Variants in KCNAB2 observed in about 807,000 individuals in gnomAD.
The protein encoded by KCNAB2 is potassium voltage-gated channel subfamily A regulatory beta subunit 2.
KCNAB2 carries 29 observed loss-of-function variants against 63.6 expected under a neutral mutation model. The observed-to-expected ratio is 0.46, with a 90% CI of 0.34 to 0.62. KCNAB2 has a LOEUF of 0.62. Ranked by LOEUF, KCNAB2 falls within the 20% of genes least tolerant of loss-of-function variation. The pLI is 0.01. For missense variants in KCNAB2, 359 were observed against 563.9 expected (o/e 0.64, Z 3.68); for synonymous variants, 222 against 224.2 (o/e 0.99, Z 0.09).
intron 2 of KCNAB2, among the ~76,000 whole-genome samples, chr1:6,058,103 G>C (rs993070979): frequency 6.6e-6 from 1 of 152,122 alleles, no homozygotes; most frequent in Non-Finnish European, 1.5e-5. Flanking sequence ...AGCCGAGATC[G>C]AACCACTGGC....
rs1387965257 is a variant in KCNAB2 at position 6,087,300 on chromosome 1, G to T, written c.426-167G>T. On this transcript the variant is annotated intron_variant, in intron 6 of 15. Transcript: ENST00000378083. The surrounding 1 kb of genome is among the most constrained non-coding windows in gnomAD (Gnocchi z 6.4). ...ATGAGGAGCCCACGCACCCCGGCTG[G>T]GCACGTGGTACACATCATATGATGG... Among the ~76,000 whole-genome samples, 2 of 152,180 alleles carry T rather than the reference G, an allele frequency of 1.3e-5. No homozygotes were observed. The highest frequency in any genetic ancestry group is 4.8e-5 in the African/African-American group (2 of 41,430).
intron 1 of KCNAB2, among the ~76,000 whole-genome samples, chr1:5,993,686 G>T (rs532831900): frequency 3.3e-5 from 5 of 152,318 alleles, no homozygotes; most frequent in African/African-American, 1.2e-4. Flanking sequence ...TTTGCCCGCA[G>T]CATCCCGGGG....
intron 1 of KCNAB2, among the ~76,000 whole-genome samples, chr1:6,051,178 G>A (rs752922278): frequency 6.6e-6 from 1 of 152,250 alleles, no homozygotes; most frequent in Admixed American, 6.5e-5. Context: ...CTCAGGCTCT[G>A]CATGCTCTCT....
At chr1:6,079,271 G>A (rs534052948) in intron 4 of KCNAB2, among the ~76,000 whole-genome samples, 68 of 151,948 alleles carry the variant, frequency 4.5e-4, no homozygotes, top group African/African-American at 1.1e-3. Flanking sequence ...TTTGTCGGCC[G>A]CACTTTGGGA....
upstream of KCNAB2, among the ~76,000 whole-genome samples, chr1:6,032,226 A>ACCGTCC (rs1257324386): frequency 6.6e-6 from 1 of 152,164 alleles, no homozygotes; most frequent in Non-Finnish European, 1.5e-5. Context: ...TCATAGGGGA[A>ACCGTCC]CCGAATATTC....
chr1:6,032,216 T>G (rs953052681), upstream of KCNAB2, among the ~76,000 whole-genome samples: 3 of 151,700 alleles, frequency 2.0e-5, no homozygotes, highest in Non-Finnish European at 4.4e-5. Context: ...CACTGAGGGG[T>G]CATAGGGGAA....
chr1:6,014,483 G>A (rs949790948), intron 1 of KCNAB2, among the ~76,000 whole-genome samples: 7 of 152,254 alleles, frequency 4.6e-5, no homozygotes, highest in Non-Finnish European at 8.8e-5. Flanking sequence ...AGAACACACA[G>A]TCTGTATGAG....
Position 6,085,654 on chromosome 1 carries a change from T to A in KCNAB2, c.425+406T>A, listed in dbSNP as rs1010076862. Reference sequence around the variant, plus strand: ...ACTTCTTTGGCTGGAGCACTTAGGGTCAGGGGAGCCAGGGGGCCAGAGAAG... The same window carrying A: ...ACTTCTTTGGCTGGAGCACTTAGGGACAGGGGAGCCAGGGGGCCAGAGAAG... On this transcript the variant is annotated intron_variant, in intron 6 of 15. Transcript: ENST00000378083. The A allele has an allele frequency of 4.6e-5, 10 of 216,600 alleles. No individual in the cohort carries two copies. In the Admixed American group the frequency reaches 4.9e-4, roughly 11 times the overall value. The allele number at this position is 216,600 out of a possible 1,614,324, so 13.4% of individuals were successfully genotyped here.
rs913331625 is a variant in KCNAB2, at chr1:6,028,693, G to T, written c.-52-11824G>T. ...AGTCTTACAGGATATGGTTACAGAG[G>T]TGAATCTGGGGGAGAGTCCATCGTT... is the stretch of plus-strand genomic sequence containing the variant. On this transcript the variant is annotated intron_variant, in intron 1 of 16. Coordinates refer to the KCNAB2 transcript ENST00000341524. The surrounding 1 kb of genome is among the most constrained non-coding windows in gnomAD (Gnocchi z 4.0). Among the ~76,000 whole-genome samples the T allele has an allele frequency of 2.6e-5, 4 of 152,212 alleles. No individual in the cohort carries two copies. The highest frequency in any genetic ancestry group is 9.7e-5 in the African/African-American group (4 of 41,444).
chr1:6,093,536 C>A (rs946785577), intron 10 of KCNAB2, among the ~76,000 whole-genome samples: 1 of 152,254 alleles, frequency 6.6e-6, no homozygotes, highest in African/African-American at 2.4e-5. Flanking sequence ...CTTTAAAAGG[C>A]CAGCGTGAAG....
intron 7 of KCNAB2, among the ~76,000 whole-genome samples, chr1:6,088,331 A>C (rs946745826): frequency 2.0e-5 from 3 of 151,730 alleles, no homozygotes; most frequent in Admixed American, 1.3e-4. Flanking sequence ...TCCTGGGTTC[A>C]AGTGACCTTC....
chr1:5,993,049 C>A (rs1190084847), intron 1 of KCNAB2, among the ~76,000 whole-genome samples: 6 of 148,004 alleles, frequency 4.1e-5, no homozygotes, highest in Non-Finnish European at 9.0e-5. Flanking sequence ...CTTCAGCTCG[C>A]ATCCCTGACC....
intron 1 of KCNAB2, among the ~76,000 whole-genome samples, chr1:6,048,391 C>G (rs974001943): frequency 3.3e-5 from 5 of 152,224 alleles, no homozygotes; most frequent in Non-Finnish European, 7.3e-5. Flanking sequence ...CAGCCCACAG[C>G]AGCCTGGTAC....
upstream of KCNAB2, among the ~76,000 whole-genome samples, chr1:6,042,052 A>G (rs755208465): frequency 1.5e-4 from 23 of 151,862 alleles, no homozygotes; most frequent in Admixed American, 1.2e-3. Context: ...CAATGTCCTG[A>G]TGGAAAATGT....
In KCNAB2 at chr1:6,067,280, A is replaced by G. The variant is rs75055463; in HGVS notation, c.219-5475A>G. ...TTTCCTGGGAAAGTTTTCCCAAAACAGGAACCGAACTGGGGACAACTCTGC... is the reference window on the plus strand; with the variant it reads ...TTTCCTGGGAAAGTTTTCCCAAAACGGGAACCGAACTGGGGACAACTCTGC... On this transcript the variant is annotated intron_variant, in intron 2 of 15. Coordinates refer to ENST00000378083, the MANE Select transcript of KCNAB2 (RefSeq NM_001199862.2). Among the ~76,000 whole-genome samples the G allele has an allele frequency of 1.5e-4, 23 of 152,368 alleles. No individual in the cohort carries two copies. In the East Asian group the frequency reaches 4.2e-3, roughly 28 times the overall value.
chr1:6,021,727 A>AT (rs1264365714), intron 1 of KCNAB2, among the ~76,000 whole-genome samples: 4 of 144,316 alleles, frequency 2.8e-5, no homozygotes, highest in African/African-American at 7.9e-5. Context: ...GTTCAGTGGT[A>AT]TGAGTGTGTA....
chr1:6,025,545 C>T (rs1570886554), intron 1 of KCNAB2, among the ~76,000 whole-genome samples: 1 of 152,186 alleles, frequency 6.6e-6, no homozygotes, highest in East Asian at 1.9e-4. Context: ...GGAGAAAAAC[C>T]CCGCAGAGGG....
chr1:6,097,245 T>C, intron 14 of KCNAB2, 24 bp from the exon 15 acceptor site: 1 of 1,522,648 alleles, frequency 6.6e-7, no homozygotes, highest in Non-Finnish European at 8.9e-7. Context: ...TGTTTCTCCC[T>C]CACCTTGGGT....
In KCNAB2 at chr1:6,008,152, G is replaced by A. The variant is rs116509664; in HGVS notation, c.-53+15364G>A. On this transcript the variant is annotated intron_variant, in intron 1 of 16. Transcript: ENST00000341524. ...CCACAGATTGTTTTCTCCATGTTGC[G>A]AAGGGCAGGGCTTGGATTTCACGAG... Among the ~76,000 whole-genome samples the A allele has an allele frequency of 2.8e-3, 427 of 152,278 alleles. 2 individuals carry two copies. The highest frequency in any genetic ancestry group is 9.8e-3 in the African/African-American group (406 of 41,560).
Sources: gnomAD v4.1 joint callset for allele counts (sites outside exome capture counted in the v4.1 genomes callset) on GRCh38, gnomAD v4.1.1 for gene constraint, Gnocchi (gnomAD v3.1) non-coding constraint, MANE v1.5 for transcripts, NCBI Gene and HGNC (gene_info 2026-07-23, HGNC 2026-07-21) for gene names.